The following CNOT4 variants were observed in gnomAD, a reference collection of about 807,000 sequenced individuals.
CNOT4 encodes CCR4-associated factor 4.
A neutral mutation model predicts 73.8 loss-of-function variants in CNOT4; 8 were observed. That is an observed-to-expected ratio of 0.11 (90% confidence interval 0.06 to 0.20). The LOEUF (loss-of-function observed/expected upper bound fraction) is 0.20. CNOT4 is among the 10% of genes least tolerant of loss of function. CNOT4 has a pLI of 1.00. For synonymous variants in CNOT4, 293 were observed against 321.1 expected, an observed-to-expected ratio of 0.91 and a Z score of 0.94; for missense variants, 564 against 883.4, an observed-to-expected ratio of 0.64 and a Z score of 4.58.
chr7:135,500,320 C>T (rs1803875735), intron 1 of CNOT4, among the ~76,000 whole-genome samples: 1 of 152,066 alleles, frequency 6.6e-6, no homozygotes, highest in Non-Finnish European at 1.5e-5. Context: ...ACCTCATTTA[C>T]AAAGCGAGAA....
At chr7:135,391,922 C>T (rs1796421529) in intron 10 of CNOT4, among the ~76,000 whole-genome samples, 2 of 152,004 alleles carry the variant, frequency 1.3e-5, no homozygotes, top group Admixed American at 6.6e-5. Flanking sequence ...ATACCAAGTC[C>T]ATGCCATTTT....
At chr7:135,424,835 A>G (rs897572244) in intron 2 of CNOT4, among the ~76,000 whole-genome samples, 17 of 152,254 alleles carry the variant, frequency 1.1e-4, no homozygotes, top group Admixed American at 1.1e-3. Context: ...AAACAAGTTC[A>G]TTTGAAAGCT....
At chr7:135,483,698 C>T (rs1245030303) in intron 1 of CNOT4, among the ~76,000 whole-genome samples, 2 of 151,942 alleles carry the variant, frequency 1.3e-5, no homozygotes, top group Non-Finnish European at 2.9e-5. Flanking sequence ...GTGTCACATG[C>T]CTGTAGTCCC....
intron 7 of CNOT4, among the ~76,000 whole-genome samples, chr7:135,400,999 C>A (rs1340720636): frequency 2.0e-5 from 3 of 152,100 alleles, no homozygotes. Flanking sequence ...TTGGAACTAT[C>A]AGTGGAAAAG....
intron 1 of CNOT4, among the ~76,000 whole-genome samples, chr7:135,503,290 C>T (rs916874521): frequency 1.3e-5 from 2 of 151,890 alleles, no homozygotes; most frequent in African/African-American, 2.4e-5. Flanking sequence ...CAGGGTGAGC[C>T]CCCATTTCCA....
At chr7:135,426,965 G>A (rs1585626970) in intron 2 of CNOT4, among the ~76,000 whole-genome samples, 1 of 149,442 alleles carries the variant, frequency 6.7e-6, no homozygotes, top group East Asian at 2.0e-4. Context: ...TCAACTTTTT[G>A]ACTAAAACAC....
chr7:135,396,852 C>A (rs1796724135), intron 8 of CNOT4, among the ~76,000 whole-genome samples: 1 of 152,090 alleles, frequency 6.6e-6, no homozygotes, highest in Non-Finnish European at 1.5e-5. Context: ...TAACATTAAT[C>A]TAGAGATACA....
intron 1 of CNOT4, among the ~76,000 whole-genome samples, chr7:135,480,321 C>T (rs189419180): frequency 6.6e-6 from 1 of 152,294 alleles, no homozygotes; most frequent in East Asian, 1.9e-4. Flanking sequence ...TTCTCTAAAT[C>T]CTAGTCATTA....
At chr7:135,509,837 C>T in intron 1 of CNOT4, 52 bp downstream of exon 1, 1 of 390,486 alleles carries the variant, frequency 2.6e-6, no homozygotes. Context: ...TCCGCTCTCT[C>T]GTAGCCGGTC....
intron 8 of CNOT4, 72 bp downstream of exon 8, chr7:135,398,097 A>C: frequency 3.6e-6 from 3 of 823,260 alleles, no homozygotes; most frequent in Admixed American, 4.2e-5. Flanking sequence ...TTTTTAGAAA[A>C]TTCACCTGCA....
chr7:135,382,561 A>G (rs1484449533), intron 10 of CNOT4, among the ~76,000 whole-genome samples: 1 of 144,756 alleles, frequency 6.9e-6, no homozygotes, highest in Non-Finnish European at 1.5e-5. Flanking sequence ...AACTAGGAAT[A>G]TTTATTATTA....
intron 7 of CNOT4, among the ~76,000 whole-genome samples, chr7:135,402,514 T>C (rs551226160): frequency 2.6e-5 from 4 of 152,176 alleles, no homozygotes; most frequent in Non-Finnish European, 5.9e-5. Flanking sequence ...TTTATTTATT[T>C]AAAGTAAAAA....
At chr7:135,411,612 G>C (rs1435035239) in intron 6 of CNOT4, among the ~76,000 whole-genome samples, 1 of 151,936 alleles carries the variant, frequency 6.6e-6, no homozygotes, top group Non-Finnish European at 1.5e-5. Context: ...AAATGATAAT[G>C]AACTTACTTT....
intron 10 of CNOT4, among the ~76,000 whole-genome samples, chr7:135,369,792 T>C (rs1795100500): frequency 6.6e-6 from 1 of 152,240 alleles, no homozygotes; most frequent in Non-Finnish European, 1.5e-5. Flanking sequence ...ATGGAGTGCA[T>C]CTTCATTTGA....
At chr7:135,448,308 G>T (rs1443746993) in intron 1 of CNOT4, among the ~76,000 whole-genome samples, 2 of 152,080 alleles carry the variant, frequency 1.3e-5, no homozygotes, top group Non-Finnish European at 2.9e-5. Context: ...ACTTTGGGAG[G>T]CCGAGATGAG....
intron 10 of CNOT4, among the ~76,000 whole-genome samples, chr7:135,379,564 C>A (rs76342837): frequency 0.037 from 5,683 of 151,902 alleles, 336 homozygotes; most frequent in African/African-American, 0.12. Context: ...ATGTGTGTGC[C>A]TATATGTGTA....
At chr7:135,469,320 T>A (rs1437628371) in intron 1 of CNOT4, among the ~76,000 whole-genome samples, 1 of 152,186 alleles carries the variant, frequency 6.6e-6, no homozygotes, top group East Asian at 1.9e-4. Context: ...ATTTAGTATT[T>A]AAATATTTGA....
chr7:135,442,470 A>G (rs1036647193), intron 1 of CNOT4, among the ~76,000 whole-genome samples: 8 of 152,074 alleles, frequency 5.3e-5, no homozygotes, highest in African/African-American at 1.9e-4. Flanking sequence ...GTGTTGGTGC[A>G]TGCCTGTAAT....
At chr7:135,399,122 G>A (rs1045696226) in intron 7 of CNOT4, among the ~76,000 whole-genome samples, 2 of 151,770 alleles carry the variant, frequency 1.3e-5, no homozygotes, top group East Asian at 1.9e-4. Context: ...CTGCAACAGT[G>A]TACTGATATC....
Sources: gnomAD v4.1 joint callset for allele counts (sites outside exome capture counted in the v4.1 genomes callset) on GRCh38, gnomAD v4.1.1 for gene constraint, MANE v1.5 for transcripts, NCBI Gene and HGNC (gene_info 2026-07-23, HGNC 2026-07-21) for gene names.